PTPRD: variants seen among roughly 807,000 people sequenced by gnomAD.
The protein encoded by PTPRD is protein tyrosine phosphatase receptor type D.
In PTPRD, 34 loss-of-function variants were observed where a neutral mutation model predicts 214.5. The observed-to-expected ratio is 0.16, with a 90% CI of 0.12 to 0.21. The LOEUF is 0.21. Ranked by LOEUF, PTPRD falls within the 10% of genes least tolerant of loss-of-function variation. The pLI, the probability that PTPRD is intolerant of heterozygous loss-of-function variation, is 1.00. For synonymous variants in PTPRD, 1,128 were observed against 845.7 expected, an observed-to-expected ratio of 1.33 and a Z score of -5.79; for missense variants, 2,545 against 2,398.7, an observed-to-expected ratio of 1.06 and a Z score of -1.27.
intron 5 of PTPRD, among the ~76,000 whole-genome samples, chr9:9,797,323 T>A (rs190176207): frequency 9.6e-5 from 14 of 145,914 alleles, no homozygotes; most frequent in Admixed American, 7.0e-4. Flanking sequence ...TTTAAAAAAA[T>A]TAAATTATTT....
At chr9:9,904,479 A>G (rs918079939) in intron 5 of PTPRD, among the ~76,000 whole-genome samples, 1 of 152,098 alleles carries the variant, frequency 6.6e-6, no homozygotes, top group Non-Finnish European at 1.5e-5. Flanking sequence ...TGAATCCTCA[A>G]TTAGACTGTA....
At chr9:9,468,622 T>C (rs118049580) in intron 8 of PTPRD, among the ~76,000 whole-genome samples, 1,559 of 152,236 alleles carry the variant, frequency 0.01, 10 homozygotes, top group Non-Finnish European at 0.015. Flanking sequence ...TATGTTTCTC[T>C]AATTGTTTCA....
intron 2 of PTPRD, among the ~76,000 whole-genome samples, chr9:10,558,600 A>C (rs2063147319): frequency 1.3e-5 from 2 of 152,100 alleles, no homozygotes; most frequent in Admixed American, 6.6e-5. Context: ...TACAGCATTT[A>C]CCATGATGTT....
At chr9:9,366,223 C>T (rs1032694918) in intron 9 of PTPRD, among the ~76,000 whole-genome samples, 2 of 151,374 alleles carry the variant, frequency 1.3e-5, no homozygotes, top group Non-Finnish European at 3.0e-5. Context: ...GTTGCATAAC[C>T]GACTATATAT....
chr9:8,915,179 C>A (rs1201979608), intron 11 of PTPRD, among the ~76,000 whole-genome samples: 1 of 152,044 alleles, frequency 6.6e-6, no homozygotes, highest in Non-Finnish European at 1.5e-5. Flanking sequence ...CAATAGAAAG[C>A]CTTTGCAAGT....
chr9:10,111,330 C>T (rs2098690261), intron 3 of PTPRD, among the ~76,000 whole-genome samples: 1 of 138,664 alleles, frequency 7.2e-6, no homozygotes, highest in Non-Finnish European at 1.5e-5. Context: ...GCTCCGCCTC[C>T]TGGGTTCATG....
intron 8 of PTPRD, among the ~76,000 whole-genome samples, chr9:9,547,081 C>A (rs2078979877): frequency 6.6e-6 from 1 of 151,958 alleles, no homozygotes; most frequent in Admixed American, 6.6e-5. Context: ...CAACAGCTAT[C>A]ACAAAGACTC....
In PTPRD at chr9:9,828,026, A is replaced by C. The variant is rs1598950304; in HGVS notation, c.-367-61175T>G. 2.6e-5 allele frequency among the ~76,000 whole-genome samples: 4 copies of C among 152,284 alleles called. No individual in the cohort carries two copies. In the South Asian group the frequency reaches 8.3e-4, roughly 32 times the overall value. On this transcript the variant is annotated intron_variant, in intron 5 of 45. Transcript: ENST00000381196. Reference sequence around the variant, plus strand: ...ACAACAGGTGCTGGAGAGGATGTGGAGAAATAGGAACACTTTTACACTGTT... The same window carrying C: ...ACAACAGGTGCTGGAGAGGATGTGGCGAAATAGGAACACTTTTACACTGTT...
intron 7 of PTPRD, among the ~76,000 whole-genome samples, chr9:9,718,394 G>A (rs1470552092): frequency 6.6e-6 from 1 of 152,164 alleles, no homozygotes; most frequent in African/African-American, 2.4e-5. Flanking sequence ...TGCAGCAGGG[G>A]AGGTGCAGCT....
chr9:8,411,306 T>TC (rs1326588600), intron 35 of PTPRD, among the ~76,000 whole-genome samples: 1 of 151,852 alleles, frequency 6.6e-6, no homozygotes, highest in Non-Finnish European at 1.5e-5. Context: ...TTATCTTTTA[T>TC]TTTTATTTTT....
intron 14 of PTPRD, among the ~76,000 whole-genome samples, chr9:8,533,534 T>C (rs1247828400): frequency 6.6e-6 from 1 of 152,030 alleles, no homozygotes; most frequent in African/African-American, 2.4e-5. Flanking sequence ...TTGGCAGTAA[T>C]GGCAGTACAA....
chr9:8,859,002 A>C (rs57452001), intron 11 of PTPRD, among the ~76,000 whole-genome samples: 12,682 of 152,274 alleles, frequency 0.083, 589 homozygotes, highest in Non-Finnish European at 0.094. Flanking sequence ...AAAGGAGGAA[A>C]AAATGCTGGT....
intron 8 of PTPRD, among the ~76,000 whole-genome samples, chr9:9,434,006 C>T (rs1292664822): frequency 6.6e-6 from 1 of 152,114 alleles, no homozygotes; most frequent in Non-Finnish European, 1.5e-5. Flanking sequence ...TTTGCCTAGA[C>T]AAAGGCAATC....
At chr9:10,250,394 C>T (rs879508008) in intron 3 of PTPRD, among the ~76,000 whole-genome samples, 1 of 152,050 alleles carries the variant, frequency 6.6e-6, no homozygotes, top group Admixed American at 6.6e-5. Flanking sequence ...CCTGCCAAGA[C>T]AAGATGTACT....
chr9:9,764,556 A>G (rs1283753583), intron 6 of PTPRD, among the ~76,000 whole-genome samples: 1 of 152,192 alleles, frequency 6.6e-6, no homozygotes. Context: ...GATTGAGATT[A>G]TTATTAAGAA....
chr9:10,544,693 C>G (rs531782368), intron 2 of PTPRD, among the ~76,000 whole-genome samples: 44 of 152,172 alleles, frequency 2.9e-4, no homozygotes, highest in Non-Finnish European at 5.4e-4. Flanking sequence ...AATGTGTAAT[C>G]TGACAACATC....
At chr9:9,729,636 A>T (rs568385684) in intron 7 of PTPRD, among the ~76,000 whole-genome samples, 6 of 152,308 alleles carry the variant, frequency 3.9e-5, no homozygotes, top group South Asian at 4.1e-4. Context: ...TAACTTTTTT[A>T]AAAATGATAA....
chr9:8,785,757 G>C (rs761727065), intron 11 of PTPRD, among the ~76,000 whole-genome samples: 2 of 152,194 alleles, frequency 1.3e-5, no homozygotes, highest in Non-Finnish European at 1.5e-5. Flanking sequence ...TTCAAGTTCA[G>C]TAAGTTAAAG....
At chr9:10,488,799 C>G (rs1205106861) in intron 2 of PTPRD, among the ~76,000 whole-genome samples, 1 of 152,040 alleles carries the variant, frequency 6.6e-6, no homozygotes, top group East Asian at 1.9e-4. Flanking sequence ...GGCCCAAAGT[C>G]TCTTCAGCCA....
Sources: gnomAD v4.1 joint callset for allele counts (sites outside exome capture counted in the v4.1 genomes callset) on GRCh38, gnomAD v4.1.1 for gene constraint, MANE v1.5 for transcripts, NCBI Gene and HGNC (gene_info 2026-07-23, HGNC 2026-07-21) for gene names.